The following NIPBL variants were observed in gnomAD, a reference collection of about 807,000 sequenced individuals.
NIPBL encodes the protein NIPBL cohesin loading factor, also known as nipped-B-like protein.
NIPBL carries 19 observed loss-of-function variants against 321.8 expected under a neutral mutation model. The observed-to-expected ratio is 0.06, with a 90% CI of 0.04 to 0.09. The LOEUF is 0.09. Among genes scored for constraint, NIPBL ranks in the 10% least tolerant of loss-of-function variants. NIPBL has a pLI of 1.00. For synonymous variants in NIPBL, 1,106 were observed against 1,114.1 expected (o/e 0.99, Z 0.14); for missense variants, 2,210 against 3,327.0 (o/e 0.66, Z 8.26).
At chr5:36,979,534 G>C (rs1444434576) in intron 9 of NIPBL, among the ~76,000 whole-genome samples, 2 of 151,772 alleles carry the variant, frequency 1.3e-5, no homozygotes, top group Non-Finnish European at 2.9e-5. Context: ...TCAGTGAACA[G>C]AGATAATTTG....
At position 36,992,193 on chromosome 5, in the gene NIPBL, CAT is replaced by C. The variant is rs1422220130; in HGVS notation, c.3122-3427_3122-3426del. On this transcript the variant is annotated intron_variant, in intron 10 of 46. Coordinates refer to ENST00000282516, the MANE Select transcript of NIPBL (RefSeq NM_133433.4). ...ATGACATTATTCATCAAGCCAGTAACATAAAGTTTTATGGGAATTCAGACATG... is the reference window on the plus strand; with the variant it reads ...ATGACATTATTCATCAAGCCAGTAACAAAGTTTTATGGGAATTCAGACATG... 2.6e-5 allele frequency among the ~76,000 whole-genome samples: 4 copies of C among 152,160 alleles called. 1 individual carries two copies. The highest frequency in any genetic ancestry group is 4.1e-4 in the South Asian group (2 of 4,822).
chr5:36,971,617 C>T (rs1742863680), intron 7 of NIPBL: 1 of 153,444 alleles, frequency 6.5e-6, no homozygotes, highest in Admixed American at 6.6e-5. Context: ...AAGGATAACA[C>T]AGATGACAAT....
At chr5:36,889,249 C>T (rs910385555) in intron 1 of NIPBL, among the ~76,000 whole-genome samples, 4 of 152,062 alleles carry the variant, frequency 2.6e-5, no homozygotes, top group Non-Finnish European at 4.4e-5. Flanking sequence ...TTTATCTGGA[C>T]AATAAGGTTT....
chr5:36,897,883 A>G (rs1746882316), intron 1 of NIPBL, among the ~76,000 whole-genome samples: 1 of 148,010 alleles, frequency 6.8e-6, no homozygotes, highest in Admixed American at 6.9e-5. Flanking sequence ...CTTGAGTCAT[A>G]CAGGGAAAAA....
intron 1 of NIPBL, among the ~76,000 whole-genome samples, chr5:36,877,635 G>T (rs1405025050): frequency 4.6e-5 from 7 of 152,194 alleles, no homozygotes; most frequent in Admixed American, 4.6e-4. Context: ...AGTGGGGAAC[G>T]TCCCAGTGAA....
At chr5:37,052,600 A>G (rs1386774457) in intron 42 of NIPBL, 34 bp downstream of exon 42, 2 of 1,549,808 alleles carry the variant, frequency 1.3e-6, no homozygotes, top group Non-Finnish European at 1.8e-6. Flanking sequence ...TAAGAAAATA[A>G]GTGCTCTAGA....
At chr5:36,918,889 T>C (rs975099184) in intron 1 of NIPBL, among the ~76,000 whole-genome samples, 1 of 152,180 alleles carries the variant, frequency 6.6e-6, no homozygotes, top group Non-Finnish European at 1.5e-5. Flanking sequence ...TTGATCACGG[T>C]GGATAAGCTT....
At chr5:37,020,751 A>G (rs1294146131) in intron 26 of NIPBL, 24 bp from the exon 27 acceptor site, 1 of 1,609,404 alleles carries the variant, frequency 6.2e-7, no homozygotes, top group Admixed American at 1.7e-5. Flanking sequence ...AGAAAAATAA[A>G]TTTTTAATGA....
intron 18 of NIPBL, 30 bp from the exon 19 acceptor site, chr5:37,007,978 G>A: frequency 8.0e-7 from 1 of 1,247,124 alleles, no homozygotes; most frequent in Non-Finnish European, 1.2e-6. Flanking sequence ...AACTAAAGGT[G>A]TATACTACTT....
In NIPBL at chr5:37,038,840, T is replaced by G. The variant is rs1352796789; in HGVS notation, c.6108+102T>G. The G allele has an allele frequency of 2.6e-6, 3 of 1,165,796 alleles. No homozygotes were observed. In the East Asian group the frequency reaches 7.6e-5, roughly 30 times the overall value. 72.2% of individuals were successfully genotyped at this position (1,165,796 alleles called of 1,614,324 possible). Reference sequence around the variant, plus strand: ...ACCACATTCTCACTGACAGATCAACTGTGTCATTTACTTAGATATATGTAC... The same window carrying G: ...ACCACATTCTCACTGACAGATCAACGGTGTCATTTACTTAGATATATGTAC... On this transcript the variant is annotated intron_variant, in intron 34 of 46. Transcript: ENST00000282516.
At chr5:36,995,583 G>T (rs1291661941) in intron 10 of NIPBL, 39 bp from the exon 11 acceptor site, 5 of 1,494,896 alleles carry the variant, frequency 3.3e-6, no homozygotes, top group Non-Finnish European at 4.6e-6. Context: ...TTTATCTTCA[G>T]ATTTACATTT....
chr5:36,904,432 G>T (rs1476338190), intron 1 of NIPBL, among the ~76,000 whole-genome samples: 3 of 152,244 alleles, frequency 2.0e-5, no homozygotes, highest in Non-Finnish European at 4.4e-5. Flanking sequence ...TTGTGCCATT[G>T]CACTCCAGCC....
chr5:36,902,757 G>GT (rs755628539), intron 1 of NIPBL, among the ~76,000 whole-genome samples: 38 of 151,884 alleles, frequency 2.5e-4, no homozygotes, highest in Non-Finnish European at 4.3e-4. Flanking sequence ...AATTTTAGAA[G>GT]TTTTTTGTTT....
rs532183976 is a variant in NIPBL at position 37,046,914 on chromosome 5, T to C, written c.6589+715T>C. Among the ~76,000 whole-genome samples the C allele has an allele frequency of 9.2e-5, 14 of 152,266 alleles. No homozygotes were observed. In the South Asian group the frequency reaches 1.5e-3, roughly 16 times the overall value. ...GTTGTTTTTTTTGGTACAAATACAG[T>C]TGGCCTTCCATATCCATGGGTTTCA... is the stretch of plus-strand genomic sequence containing the variant. On this transcript the variant is annotated intron_variant, in intron 38 of 46. Transcript: ENST00000282516.
chr5:37,063,122 C>T (rs1350768513), intron 45 of NIPBL, among the ~76,000 whole-genome samples: 2 of 152,034 alleles, frequency 1.3e-5, no homozygotes, highest in Non-Finnish European at 2.9e-5. Context: ...GCAGATCACT[C>T]GAGGCCAGAG....
intron 1 of NIPBL, among the ~76,000 whole-genome samples, chr5:36,909,946 C>T (rs1428955763): frequency 6.6e-6 from 1 of 151,920 alleles, no homozygotes; most frequent in Non-Finnish European, 1.5e-5. Context: ...CATGGTGGTG[C>T]ACACCTGTAG....
intron 31 of NIPBL, among the ~76,000 whole-genome samples, 192 bp from the exon 32 acceptor site, chr5:37,027,167 T>C (rs529473026): frequency 3.2e-4 from 49 of 152,330 alleles, no homozygotes; most frequent in African/African-American, 1.1e-3. Flanking sequence ...TTCAATGTTT[T>C]CCAAGATATT....
intron 45 of NIPBL, among the ~76,000 whole-genome samples, chr5:37,063,275 A>G (rs1277353129): frequency 6.6e-6 from 1 of 152,224 alleles, no homozygotes; most frequent in Non-Finnish European, 1.5e-5. Context: ...GTGGCTTTTC[A>G]TATTATTCAT....
At chr5:37,030,889 G>T (rs1383407290) in intron 32 of NIPBL, among the ~76,000 whole-genome samples, 1 of 147,034 alleles carries the variant, frequency 6.8e-6, no homozygotes, top group African/African-American at 2.5e-5. Flanking sequence ...CAAGTAGCTG[G>T]AACCACAGGC....
Sources: gnomAD v4.1 joint callset for allele counts (sites outside exome capture counted in the v4.1 genomes callset) on GRCh38, gnomAD v4.1.1 for gene constraint, MANE v1.5 for transcripts, NCBI Gene and HGNC (gene_info 2026-07-23, HGNC 2026-07-21) for gene names.